Variants in EPHA6 observed in about 807,000 individuals in gnomAD.
The protein encoded by EPHA6 is ephrin type-A receptor 6.
A neutral mutation model predicts 112.0 loss-of-function variants in EPHA6; 50 were observed. The ratio of observed to expected loss-of-function variants is 0.45; its 90% CI spans 0.36 to 0.56. EPHA6 has a LOEUF of 0.56. EPHA6 is among the 20% of genes least tolerant of loss of function. The pLI is 0.00. For synonymous variants in EPHA6, 529 were observed against 490.7 expected (o/e 1.08, Z -1.03); for missense variants, 1,280 against 1,417.4 (o/e 0.90, Z 1.56).
chr3:97,227,768 T>A (rs2078404007), intron 4 of EPHA6, among the ~76,000 whole-genome samples: 1 of 152,088 alleles, frequency 6.6e-6, no homozygotes, highest in Non-Finnish European at 1.5e-5. Context: ...AAAATGGCCA[T>A]GTTAGCACAA....
intron 5 of EPHA6, among the ~76,000 whole-genome samples, chr3:97,347,868 CT>C (rs2108882670): frequency 6.6e-6 from 1 of 152,126 alleles, no homozygotes; most frequent in Non-Finnish European, 1.5e-5. Context: ...CAACATAAAT[CT>C]TTTGATAGCC....
intron 3 of EPHA6, among the ~76,000 whole-genome samples, chr3:97,012,236 G>A (rs2044112449): frequency 6.6e-6 from 1 of 151,956 alleles, no homozygotes; most frequent in African/African-American, 2.4e-5. Flanking sequence ...CCTACAAACT[G>A]CTTTCCATGG....
chr3:97,675,896 G>A (rs1445368737), intron 14 of EPHA6, among the ~76,000 whole-genome samples: 7 of 152,084 alleles, frequency 4.6e-5, no homozygotes, highest in South Asian at 2.1e-4. Flanking sequence ...CATGATGTTC[G>A]GTATATTCTT....
At chr3:97,688,162 T>A (rs1427807278) in intron 14 of EPHA6, among the ~76,000 whole-genome samples, 1 of 152,236 alleles carries the variant, frequency 6.6e-6, no homozygotes, top group African/African-American at 2.4e-5. Flanking sequence ...TTCCCTGATA[T>A]GATCATTGCC....
chr3:97,314,827 T>C (rs2081737320), intron 5 of EPHA6, among the ~76,000 whole-genome samples: 1 of 151,670 alleles, frequency 6.6e-6, no homozygotes, highest in Non-Finnish European at 1.5e-5. Flanking sequence ...AGCCTAAACT[T>C]ATTGACACAT....
At chr3:97,424,120 A>G (rs1227848573) in intron 6 of EPHA6, among the ~76,000 whole-genome samples, 1 of 152,216 alleles carries the variant, frequency 6.6e-6, no homozygotes, top group African/African-American at 2.4e-5. Flanking sequence ...GAGCAAAGTT[A>G]TGTCTTACAT....
chr3:97,030,122 T>C (rs2044775235), intron 3 of EPHA6, among the ~76,000 whole-genome samples: 1 of 152,152 alleles, frequency 6.6e-6, no homozygotes, highest in Non-Finnish European at 1.5e-5. Context: ...AAAATATCTT[T>C]CCTTTCTCCA....
chr3:97,500,770 C>T (rs1405838325), intron 10 of EPHA6, among the ~76,000 whole-genome samples: 3 of 152,134 alleles, frequency 2.0e-5, no homozygotes, highest in African/African-American at 7.2e-5. Flanking sequence ...CTCATTTAAA[C>T]AAGCTTGAAA....
chr3:96,823,485 C>CT (rs896032641), intron 1 of EPHA6, among the ~76,000 whole-genome samples: 3 of 150,804 alleles, frequency 2.0e-5, no homozygotes, highest in African/African-American at 7.3e-5. Context: ...TTAGCTAAAA[C>CT]TTTTTTTAAT....
chr3:96,923,059 A>G (rs2039854440), intron 2 of EPHA6, among the ~76,000 whole-genome samples: 1 of 152,150 alleles, frequency 6.6e-6, no homozygotes, highest in Non-Finnish European at 1.5e-5. Context: ...ATTTAGGTTG[A>G]TTCCATGTCT....
chr3:97,239,881 G>A (rs2078791583), intron 4 of EPHA6, among the ~76,000 whole-genome samples: 1 of 151,860 alleles, frequency 6.6e-6, no homozygotes, highest in Non-Finnish European at 1.5e-5. Context: ...ATATATATTT[G>A]TCAGATTTTC....
At chr3:97,636,153 C>G (rs930779898) in intron 13 of EPHA6, among the ~76,000 whole-genome samples, 11 of 151,984 alleles carry the variant, frequency 7.2e-5, no homozygotes, top group African/African-American at 2.4e-4. Flanking sequence ...TTCAGGTGCC[C>G]CATTAACATT....
At position 97,750,121 on chromosome 3, in the gene EPHA6, A is replaced by C. The variant is rs548763233; in HGVS notation, c.*1420A>C. ...CAGCTGCTCCCTGTAAAACTAAAAA[A>C]ATGACGACTGTTTTAGGTGAAAGAG... On this transcript the variant is annotated 3_prime_UTR_variant, in exon 18 of 18. Coordinates refer to ENST00000389672, the MANE Select transcript of EPHA6 (RefSeq NM_001080448.3). Among the ~76,000 whole-genome samples, 25 of 152,298 alleles carry C rather than the reference A, an allele frequency of 1.6e-4. No homozygotes were observed. Among genetic ancestry groups the C allele is most frequent in the African/African-American group, 5.8e-4 (24 of 41,570 alleles).
chr3:97,213,104 A>T (rs1460520279), intron 3 of EPHA6, among the ~76,000 whole-genome samples: 2 of 152,136 alleles, frequency 1.3e-5, no homozygotes, highest in African/African-American at 2.4e-5. Flanking sequence ...GAGTTCATAA[A>T]CAAGTTTATG....
At chr3:97,594,745 C>T (rs1369097990) in intron 12 of EPHA6, among the ~76,000 whole-genome samples, 1 of 152,130 alleles carries the variant, frequency 6.6e-6, no homozygotes, top group African/African-American at 2.4e-5. Flanking sequence ...TCTTTGCCAT[C>T]TAATAGCTGA....
intron 11 of EPHA6, among the ~76,000 whole-genome samples, chr3:97,566,283 C>G (rs564162530): frequency 6.6e-6 from 1 of 152,126 alleles, no homozygotes; most frequent in Non-Finnish European, 1.5e-5. Context: ...TCACAAGGGA[C>G]GTGCCCCCAT....
chr3:96,898,337 A>T (rs2038395731), intron 2 of EPHA6, among the ~76,000 whole-genome samples: 1 of 152,190 alleles, frequency 6.6e-6, no homozygotes, highest in Admixed American at 6.5e-5. Context: ...TCAGAAATAG[A>T]TTTTCATTGA....
At chr3:97,551,295 T>C (rs578192696) in intron 11 of EPHA6, among the ~76,000 whole-genome samples, 1 of 152,274 alleles carries the variant, frequency 6.6e-6, no homozygotes, top group African/African-American at 2.4e-5. Flanking sequence ...AGTCTTCTGT[T>C]TTCTGGGCCT....
intron 5 of EPHA6, among the ~76,000 whole-genome samples, chr3:97,356,660 G>T (rs1483151597): frequency 2.0e-5 from 3 of 152,168 alleles, no homozygotes; most frequent in Non-Finnish European, 4.4e-5. Context: ...GCTCACAGAA[G>T]ATACTTTGCA....
Sources: gnomAD v4.1 joint callset for allele counts (sites outside exome capture counted in the v4.1 genomes callset) on GRCh38, gnomAD v4.1.1 for gene constraint, MANE v1.5 for transcripts, NCBI Gene and HGNC (gene_info 2026-07-23, HGNC 2026-07-21) for gene names.